The following CPS1 variants were observed in gnomAD, a reference collection of about 807,000 sequenced individuals.
CPS1 encodes carbamoyl-phosphate synthase 1.
In CPS1, 109 loss-of-function variants were observed where a neutral mutation model predicts 174.6. That is an observed-to-expected ratio of 0.62 (90% CI 0.53 to 0.73). The LOEUF is 0.73. Ranked by LOEUF, CPS1 falls within the 30% of genes least tolerant of loss-of-function variation. The pLI is 0.00. For synonymous variants in CPS1, 637 were observed against 632.0 expected (o/e 1.01, Z -0.12); for missense variants, 1,689 against 1,821.9 (o/e 0.93, Z 1.33).
chr2:210,677,129 A>C lies in CPS1; in HGVS notation c.4397A>C (p.Asn1466Thr), dbSNP rs1701561338. The C allele has an allele frequency of 6.2e-7, 1 of 1,613,654 alleles. No homozygotes were observed. The highest frequency in any genetic ancestry group is 1.3e-5 in the African/African-American group (1 of 74,866). Residue 1466 changes from asparagine to threonine, a missense_variant, in exon 37 of 38, where the codon AAT becomes ACT. By Grantham distance (65) the Asn-to-Thr change is moderately conservative. Transcript: ENST00000233072. ...GATAGTGGAATCCCTCTCCTCACTAATTTTCAGGTATAGTCTTTTCCTTGG... is the reference window on the plus strand; with the variant it reads ...GATAGTGGAATCCCTCTCCTCACTACTTTTCAGGTATAGTCTTTTCCTTGG... ...AVDSGIPLLTNFQVTKLFAEA... is the reference protein window; with the variant it reads ...AVDSGIPLLTTFQVTKLFAEA...
At chr2:210,597,034 C>G (rs1448933213) in intron 13 of CPS1, among the ~76,000 whole-genome samples, 1 of 151,788 alleles carries the variant, frequency 6.6e-6, no homozygotes, top group Non-Finnish European at 1.5e-5. Context: ...GAACACTCAT[C>G]ATGTGTATGT....
At position 210,491,307 on chromosome 2, in the gene CPS1, G is replaced by GTTTTTTTTTTTTT. The variant is rs66825517; in HGVS notation, c.3+13560_3+13572dup. Among the ~76,000 whole-genome samples, 40 of 50,352 alleles carry GTTTTTTTTTTTTT rather than the reference G, an allele frequency of 7.9e-4. 9 individuals are homozygous for GTTTTTTTTTTTTT. The highest frequency in any genetic ancestry group is 3.9e-3 in the African/African-American group (39 of 9,982). 33.0% of individuals were successfully genotyped at this position (50,352 alleles called of 152,430 possible). ...GTAAAAGCATGTATTTGGTATCTGT[G>GTTTTTTTTTTTTT]TTTTTTTTTTTTTTTTTTTTTTTTT... On this transcript the variant is annotated intron_variant, in intron 1 of 38. Coordinates refer to the CPS1 transcript ENST00000430249.
At chr2:210,584,986 A>G (rs994887379) in intron 6 of CPS1, among the ~76,000 whole-genome samples, 3 of 152,032 alleles carry the variant, frequency 2.0e-5, no homozygotes, top group African/African-American at 7.2e-5. Flanking sequence ...AGTCAGTTTC[A>G]AGAGTCAGCT....
rs753737302 is a variant in CPS1 at position 210,647,834 on chromosome 2, A to G, written c.3142-29A>G. ...GTCCATTCATAATGAAGTTATTCCA[A>G]TGGCTGATATTGTGAGTGTATTTTC... On this transcript the variant is annotated intron_variant, in intron 25 of 37. Coordinates refer to ENST00000233072, the MANE Select transcript of CPS1 (RefSeq NM_001875.5). The G allele has an allele frequency of 5.0e-6, 8 of 1,611,416 alleles. No individual in the cohort carries two copies. The Admixed American group carries it at 6.7e-5, about 13-fold the overall frequency.
intron 1 of CPS1, among the ~76,000 whole-genome samples, chr2:210,528,939 T>C (rs888504690): frequency 4.6e-5 from 7 of 151,324 alleles, no homozygotes; most frequent in Non-Finnish European, 1.0e-4. Flanking sequence ...GCATGAGTTA[T>C]TGAGAAAATA....
In CPS1 at chr2:210,658,407, T is replaced by G. The variant is rs539546814; in HGVS notation, c.3667-192T>G. 7.3e-6 allele frequency: 4 copies of G among 545,574 alleles called. No homozygotes were observed. The East Asian group carries it at 1.3e-4, about 18-fold the overall frequency. The allele number at this position is 545,574 out of a possible 1,614,324, so 33.8% of individuals were successfully genotyped here. A position where few individuals can be genotyped will look rare whatever the true frequency, so the allele number is the denominator to read the frequency against. The stretch of plus-strand genomic sequence containing the variant: ...TTTGTTCTTTTCCTATTATTTTGTG[T>G]GTATTTATTGCATATTATTTTGTTA... On this transcript the variant is annotated intron_variant, in intron 30 of 37. Coordinates refer to ENST00000233072, the MANE Select transcript of CPS1 (RefSeq NM_001875.5).
At chr2:210,522,390 T>G (rs1695850874) in intron 1 of CPS1, among the ~76,000 whole-genome samples, 1 of 152,030 alleles carries the variant, frequency 6.6e-6, no homozygotes, top group Non-Finnish European at 1.5e-5. Context: ...TTTAAGAATT[T>G]TTTTTAAACT....
At chr2:210,481,270 A>T (rs1399465555) in intron 1 of CPS1, among the ~76,000 whole-genome samples, 1 of 152,226 alleles carries the variant, frequency 6.6e-6, no homozygotes, top group African/African-American at 2.4e-5. Context: ...GTCTTTAACG[A>T]GAAAAAAGAA....
At chr2:210,513,971 G>A (rs987014608) in intron 1 of CPS1, among the ~76,000 whole-genome samples, 5 of 151,762 alleles carry the variant, frequency 3.3e-5, no homozygotes, top group Admixed American at 2.0e-4. Context: ...TGTTTTTGTT[G>A]AGTTTGTCAA....
At chr2:210,508,538 C>G (rs1021797468) in intron 1 of CPS1, among the ~76,000 whole-genome samples, 1 of 152,074 alleles carries the variant, frequency 6.6e-6, no homozygotes, top group African/African-American at 2.4e-5. Flanking sequence ...CAGAGCAGAA[C>G]TGAAGGAAAT....
At chr2:210,648,627 C>A in intron 27 of CPS1, 87 bp downstream of exon 27, 3 of 1,020,178 alleles carry the variant, frequency 2.9e-6, no homozygotes, top group South Asian at 2.5e-5. Flanking sequence ...CACTAGGGTT[C>A]TATATGTAGT....
chr2:210,610,693 T>C (rs1699082460), intron 19 of CPS1, among the ~76,000 whole-genome samples: 1 of 151,842 alleles, frequency 6.6e-6, no homozygotes, highest in African/African-American at 2.4e-5. Context: ...GGGTCCAGTC[T>C]GTAGTGAGCC....
chr2:210,604,665 T>C (rs1028737982), intron 16 of CPS1, among the ~76,000 whole-genome samples: 1 of 152,062 alleles, frequency 6.6e-6, no homozygotes, highest in African/African-American at 2.4e-5. Flanking sequence ...AACTAACTTT[T>C]ATTGTGTGTG....
intron 1 of CPS1, among the ~76,000 whole-genome samples, chr2:210,526,181 A>G (rs532417910): frequency 1.8e-4 from 27 of 152,056 alleles, no homozygotes; most frequent in Admixed American, 3.9e-4. Flanking sequence ...GAGTTGAACT[A>G]TGAGAACCCA....
rs941411636 is a variant in CPS1, at chr2:210,639,083, A to G, written c.2830-67A>G. ...AAAGGAATATGTATATAAAGCACAA[A>G]AAATTTAGTCTTGAAAAAATTATAA... On this transcript the variant is annotated intron_variant, in intron 22 of 37. Transcript: ENST00000233072. 3 of 1,332,542 alleles carry G rather than the reference A, an allele frequency of 2.3e-6. No individual in the cohort carries two copies. The African/African-American group carries it at 4.4e-5, about 20-fold the overall frequency. The allele number at this position is 1,332,542 out of a possible 1,614,324, so 82.5% of individuals were successfully genotyped here.
intron 14 of CPS1, 136 bp from the exon 15 acceptor site, chr2:210,600,419 C>T (rs1698678794): frequency 3.5e-5 from 26 of 749,640 alleles, no homozygotes; most frequent in South Asian, 1.3e-4. Context: ...AATTTTTTTC[C>T]CTAAGTGCAA....
At position 210,616,487 on chromosome 2, in the gene CPS1, T is replaced by G; in HGVS notation, c.2633T>G (p.Leu878Trp). 6.2e-7 allele frequency: 1 copy of G among 1,612,434 alleles called. No homozygotes were observed. Among genetic ancestry groups the G allele is most frequent in the Non-Finnish European group, 8.5e-7 (1 of 1,178,824 alleles). Residue 878 changes from leucine to tryptophan, a missense_variant, in exon 21 of 38, where the codon TTG becomes TGG. Leu to Trp is a moderately conservative substitution (Grantham distance 61, BLOSUM62 -2). Transcript: ENST00000233072. The part of the protein sequence containing the change: ...EKLTYIDKWF[L>W]YKMRDILNME... ...CTCACATACATTGACAAGTGGTTTT[T>G]GTATAAGATGCGTGATATTTTAAAC...
intron 20 of CPS1, among the ~76,000 whole-genome samples, chr2:210,615,244 A>G (rs2105864187): frequency 6.6e-6 from 1 of 152,096 alleles, no homozygotes; most frequent in East Asian, 1.9e-4. Context: ...CTTAGAAAGT[A>G]AGACAGAATA....
chr2:210,633,757 A>G (rs1211382940), intron 21 of CPS1, among the ~76,000 whole-genome samples: 3 of 152,338 alleles, frequency 2.0e-5, no homozygotes, highest in South Asian at 2.1e-4. Flanking sequence ...CCCTCTAAAA[A>G]TTGCAACAAC....
Sources: allele counts gnomAD v4.1 joint callset (sites outside exome capture counted in the v4.1 genomes callset), GRCh38; gene constraint gnomAD v4.1.1; transcripts MANE v1.5; gene names NCBI Gene and HGNC (gene_info 2026-07-23, HGNC 2026-07-21).